DLGAP2: variants seen among roughly 807,000 people sequenced by gnomAD.
DLGAP2 encodes disks large-associated protein 2.
A neutral mutation model predicts 100.3 loss-of-function variants in DLGAP2; 26 were observed. The ratio of observed to expected loss-of-function variants is 0.26; its 90% CI spans 0.19 to 0.36. DLGAP2 has a LOEUF of 0.36. Ranked by LOEUF, DLGAP2 falls within the 10% of genes least tolerant of loss-of-function variation. The probability of loss-of-function intolerance (pLI) is 1.00; values close to 1 mark genes in which losing one functional copy is unlikely to be tolerated. For missense variants in DLGAP2, 1,858 were observed against 1,453.2 expected (o/e 1.28, Z -4.53); for synonymous variants, 886 against 630.1 (o/e 1.41, Z -6.08).
intron 8 of DLGAP2, among the ~76,000 whole-genome samples, chr8:1,655,892 G>A (rs574682523): frequency 2.0e-5 from 3 of 152,340 alleles, no homozygotes; most frequent in East Asian, 1.9e-4. Context: ...CAGCACAGCC[G>A]TCATGATGAG....
At chr8:970,902 A>T (rs983186906) in intron 2 of DLGAP2, among the ~76,000 whole-genome samples, 2 of 152,230 alleles carry the variant, frequency 1.3e-5, no homozygotes, top group Non-Finnish European at 1.5e-5. Context: ...CTTCTAAGAA[A>T]ATATAAAATT....
chr8:1,569,311 C>A (rs1439917888), intron 6 of DLGAP2, among the ~76,000 whole-genome samples: 1 of 152,262 alleles, frequency 6.6e-6, no homozygotes, highest in Non-Finnish European at 1.5e-5. Context: ...CTGCCAAACT[C>A]GATTTATACG....
intron 2 of DLGAP2, among the ~76,000 whole-genome samples, chr8:1,025,360 G>A (rs1202332032): frequency 2.0e-5 from 3 of 152,080 alleles, no homozygotes; most frequent in South Asian, 2.1e-4. Flanking sequence ...TGTCCAGCAC[G>A]TCTTCCCATA....
At chr8:852,807 C>T (rs899138957) in intron 1 of DLGAP2, among the ~76,000 whole-genome samples, 35 of 152,218 alleles carry the variant, frequency 2.3e-4, no homozygotes, top group African/African-American at 8.0e-4. Context: ...TTCTGAATGA[C>T]AACGTCCTTG....
intron 3 of DLGAP2, among the ~76,000 whole-genome samples, chr8:1,277,952 T>C (rs576519705): frequency 3.3e-5 from 5 of 152,312 alleles, no homozygotes; most frequent in South Asian, 2.1e-4. Context: ...GATTGGGTAT[T>C]GGTAGGGAGT....
At chr8:1,076,883 G>A (rs1422807684) in intron 2 of DLGAP2, among the ~76,000 whole-genome samples, 4 of 145,524 alleles carry the variant, frequency 2.7e-5, no homozygotes, top group Admixed American at 6.8e-5. Context: ...TACCAAGAGG[G>A]GGAGGAGGAG....
At chr8:1,253,432 G>A (rs1416636407) in intron 2 of DLGAP2, among the ~76,000 whole-genome samples, 58 of 152,348 alleles carry the variant, frequency 3.8e-4, no homozygotes, top group Admixed American at 1.3e-4. Context: ...GATAGCATGC[G>A]CTCGGCTTCA....
chr8:1,527,843 AC>A (rs1226127118), intron 4 of DLGAP2, among the ~76,000 whole-genome samples: 3 of 151,216 alleles, frequency 2.0e-5, no homozygotes, highest in Admixed American at 6.6e-5. Flanking sequence ...GGGAAAGTCC[AC>A]CCATTTTTAA....
intron 3 of DLGAP2, among the ~76,000 whole-genome samples, chr8:1,278,292 G>C (rs974768616): frequency 6.6e-6 from 1 of 152,198 alleles, no homozygotes; most frequent in African/African-American, 2.4e-5. Context: ...ATCTCTTCCA[G>C]TTGTAAGAAC....
At chr8:1,284,823 C>G (rs1187295943) in intron 3 of DLGAP2, among the ~76,000 whole-genome samples, 2 of 152,136 alleles carry the variant, frequency 1.3e-5, no homozygotes, top group African/African-American at 4.8e-5. Context: ...GTTGCGTAGG[C>G]TGGTCTGGAA....
At chr8:910,981 C>A (rs187059124) in intron 2 of DLGAP2, among the ~76,000 whole-genome samples, 1 of 152,118 alleles carries the variant, frequency 6.6e-6, no homozygotes, top group Non-Finnish European at 1.5e-5. Context: ...AGGCATCGTG[C>A]AGTTAAAATA....
At chr8:1,182,238 G>A (rs114086952) in intron 2 of DLGAP2, among the ~76,000 whole-genome samples, 5,993 of 152,318 alleles carry the variant, frequency 0.039, 444 homozygotes, top group African/African-American at 0.14. Context: ...ACAGGGGCTT[G>A]GGGGCGACTG....
chr8:1,187,959 C>G (rs1433871358), intron 2 of DLGAP2, among the ~76,000 whole-genome samples: 1 of 123,482 alleles, frequency 8.1e-6, no homozygotes, highest in African/African-American at 4.6e-5. Flanking sequence ...TGACGTTTCC[C>G]TCACGGAATC....
intron 2 of DLGAP2, among the ~76,000 whole-genome samples, chr8:1,198,141 C>T (rs1335385532): frequency 1.3e-5 from 2 of 151,950 alleles, no homozygotes; most frequent in Admixed American, 6.6e-5. Context: ...GGTGTGTGGA[C>T]GTAGACTCCC....
At position 1,668,343 on chromosome 8, in the gene DLGAP2, A is replaced by C; in HGVS notation, c.1825A>C (p.Asn609His). ...TTTTCTTACAGCTGTCTCATATACA[A>C]ATTACAAGAAAACGCCCCCACCGGT... ...IRSTAAVSYT[N>H]YKKTPPPVPP... Residue 609 changes from asparagine to histidine, a missense_variant, in exon 9 of 15, where the codon AAT becomes CAT. By Grantham distance (68) the Asn-to-His change is moderately conservative. Coordinates refer to ENST00000637795, the MANE Select transcript of DLGAP2 (RefSeq NM_001346810.2). The C allele has an allele frequency of 1.3e-6, 2 of 1,515,162 alleles. No homozygotes were observed. The highest frequency in any genetic ancestry group is 1.8e-6 in the Non-Finnish European group (2 of 1,134,898). 93.9% of individuals were successfully genotyped at this position (1,515,162 alleles called of 1,614,324 possible). A position where few individuals can be genotyped will look rare whatever the true frequency, so the allele number is the denominator to read the frequency against.
intron 2 of DLGAP2, among the ~76,000 whole-genome samples, chr8:939,046 C>A (rs931937438): frequency 1.3e-5 from 2 of 152,150 alleles, no homozygotes; most frequent in African/African-American, 2.4e-5. Context: ...AGCGGGATCA[C>A]GGCCCCTGCC....
chr8:1,121,327 C>G (rs6997700), intron 2 of DLGAP2, among the ~76,000 whole-genome samples: 50,948 of 150,470 alleles, frequency 0.34, 8,530 homozygotes, highest in East Asian at 0.47. Flanking sequence ...CCCTTCAGAA[C>G]CCATGACCAC....
intron 2 of DLGAP2, among the ~76,000 whole-genome samples, chr8:1,011,543 G>A (rs1369019926): frequency 6.7e-6 from 1 of 150,178 alleles, no homozygotes; most frequent in Non-Finnish European, 1.5e-5. Flanking sequence ...AGGAGTCTCA[G>A]TCTACACAGT....
At chr8:1,163,431 C>T (rs1796931549) in intron 2 of DLGAP2, among the ~76,000 whole-genome samples, 1 of 152,204 alleles carries the variant, frequency 6.6e-6, no homozygotes, top group African/African-American at 2.4e-5. Flanking sequence ...AGGCCTGTGT[C>T]CGATGCTCTG....
Sources: gnomAD v4.1 joint callset for allele counts (sites outside exome capture counted in the v4.1 genomes callset) on GRCh38, gnomAD v4.1.1 for gene constraint, MANE v1.5 for transcripts, NCBI Gene and HGNC (gene_info 2026-07-23, HGNC 2026-07-21) for gene names.